MEG3: variants seen among roughly 807,000 people sequenced by gnomAD.
The protein encoded by MEG3 is Very putative protein from MEG3 locus.
chr14:100,844,020 C>T (rs536989398), intron 2 of MEG3, among the ~76,000 whole-genome samples: 4 of 151,928 alleles, frequency 2.6e-5, no homozygotes, highest in South Asian at 2.1e-4. Context: ...TTAGTAGAGA[C>T]GGGGTTTCAT....
chr14:100,856,692 A>G (rs1018810559), upstream of MEG3: 1 of 152,520 alleles, frequency 6.6e-6, no homozygotes, highest in African/African-American at 2.4e-5. Context: ...CTTTCATGCT[A>G]GGGGTTTGGG....
downstream of MEG3, chr14:100,831,772 G>A (rs1490746208): frequency 6.6e-6 from 1 of 152,178 alleles, no homozygotes. Context: ...AAGCAGTCAG[G>A]AGTCGCTGCC....
At chr14:100,841,180 G>A (rs1198857398) in intron 2 of MEG3, among the ~76,000 whole-genome samples, 2 of 152,218 alleles carry the variant, frequency 1.3e-5, no homozygotes, top group Non-Finnish European at 2.9e-5. Flanking sequence ...CAGGGACAAA[G>A]TCCCTGCCGT....
chr14:100,845,599 G>A lies in MEG3; in HGVS notation n.3121+66G>A. The stretch of plus-strand genomic sequence containing the variant: ...TGCTGAGGGTGGGGCCAGCTGCCCG[G>A]AGCACACCGCCAGGCGGACCTCGTG... On this transcript the variant is annotated intron_variant and non_coding_transcript_variant, in intron 3 of 3. Coordinates refer to the MEG3 transcript ENST00000398461. The surrounding 1 kb of genome is among the most constrained non-coding windows in gnomAD (Gnocchi z 5.2). 2 of 436,874 alleles carry A rather than the reference G, an allele frequency of 4.6e-6. No individual in the cohort carries two copies. Among genetic ancestry groups the A allele is most frequent in the South Asian group, 3.3e-5 (2 of 61,240 alleles). The allele number at this position is 436,874 out of a possible 1,614,324, so 27.1% of individuals were successfully genotyped here.
chr14:100,860,650 C>T (rs1004127533), intron 1 of MEG3: 31 of 456,496 alleles, frequency 6.8e-5, no homozygotes, highest in Admixed American at 4.5e-4. Context: ...CCAGCGAGGC[C>T]GGGAGCAGGT....
chr14:100,855,952 G>A (rs1013897960), upstream of MEG3: 23 of 152,142 alleles, frequency 1.5e-4, no homozygotes, highest in African/African-American at 4.8e-4. Context: ...CCATATCCTC[G>A]AGAGGCCAAA....
At chr14:100,835,832 T>G (rs562348094) in exon 1 of MEG3, 6 of 228,288 alleles carry the variant, frequency 2.6e-5, no homozygotes, top group African/African-American at 1.4e-4. Context: ...CTCAGGGCTA[T>G]GGACAGACTC....
exon 2 of MEG3, chr14:100,836,182 C>T: frequency 2.2e-6 from 1 of 455,980 alleles, no homozygotes; most frequent in Non-Finnish European, 4.4e-6. Flanking sequence ...TGGGCCGTGG[C>T]CCGGCTGGGT....
At chr14:100,833,538 G>T (rs1302820823), downstream of MEG3, 1 of 152,446 alleles carries the variant, frequency 6.6e-6, no homozygotes, top group Non-Finnish European at 1.5e-5. Context: ...GATTACAGGC[G>T]TGAGCCACCA....
chr14:100,848,513 G>A (rs1204447100), intron 3 of MEG3: 3 of 152,210 alleles, frequency 2.0e-5, no homozygotes, highest in African/African-American at 7.2e-5. Flanking sequence ...AGACAGGGAT[G>A]AGGGTCATTG....
chr14:100,838,425 A>T (rs1323332743), intron 2 of MEG3, among the ~76,000 whole-genome samples: 1 of 152,220 alleles, frequency 6.6e-6, no homozygotes, highest in Non-Finnish European at 1.5e-5. Context: ...TCAATGAAAG[A>T]AGTTGAAACG....
At chr14:100,841,286 C>G (rs1022314301) in intron 2 of MEG3, among the ~76,000 whole-genome samples, 1 of 152,210 alleles carries the variant, frequency 6.6e-6, no homozygotes, top group African/African-American at 2.4e-5. Flanking sequence ...TTCCAGAGAC[C>G]TGGTTAGAGC....
intron 2 of MEG3, among the ~76,000 whole-genome samples, chr14:100,838,427 G>A (rs954202460): frequency 6.6e-6 from 1 of 152,234 alleles, no homozygotes; most frequent in Non-Finnish European, 1.5e-5. Flanking sequence ...AATGAAAGAA[G>A]TTGAAACGTG....
At chr14:100,851,940 T>TAAAAAA in intron 3 of MEG3, 1 of 178,760 alleles carries the variant, frequency 5.6e-6, no homozygotes, top group Non-Finnish European at 1.2e-5. Flanking sequence ...TGTTTGTCTG[T>TAAAAAA]AAAAGCAAGG....
rs74080163 is a variant in MEG3 at position 100,837,523 on chromosome 14, A to G, written n.3045+1223A>G. The stretch of plus-strand genomic sequence containing the variant: ...GGCCCTAGCACTGTCCTTGGCCCAG[A>G]TGCCAATACTCCCCTCTGGACGCCC... On this transcript the variant is annotated intron_variant and non_coding_transcript_variant, in intron 2 of 3. Transcript: ENST00000398461. This position sits in a 1 kb window ranked among gnomAD's most constrained non-coding sequence, Gnocchi z 5.8. Among the ~76,000 whole-genome samples, 2,354 of 152,152 alleles carry G rather than the reference A, an allele frequency of 0.015. 71 individuals are homozygous for G. The highest frequency in any genetic ancestry group is 0.054 in the African/African-American group (2,243 of 41,460).
upstream of MEG3, chr14:100,852,447 G>A (rs576028387): frequency 1.3e-5 from 7 of 533,748 alleles, no homozygotes; most frequent in Admixed American, 3.9e-5. Flanking sequence ...GCTGGGCCTC[G>A]TGGGCCTGAT....
intron 3 of MEG3, chr14:100,850,289 A>C (rs955748579): frequency 2.0e-5 from 3 of 152,252 alleles, no homozygotes; most frequent in African/African-American, 7.2e-5. Flanking sequence ...ACCTGACTTT[A>C]TAAGAACCAA....
chr14:100,851,282 C>G (rs991345260), intron 3 of MEG3: 4 of 152,530 alleles, frequency 2.6e-5, no homozygotes, highest in African/African-American at 7.2e-5. Context: ...TTGGCCACTC[C>G]CGCGGCATGG....
chr14:100,836,194 G>C (rs1488193506), exon 2 of MEG3: 1 of 455,948 alleles, frequency 2.2e-6, no homozygotes, highest in Non-Finnish European at 4.4e-6. Context: ...CGGCTGGGTC[G>C]GCTGAAGAAC....
Sources: allele counts gnomAD v4.1 joint callset (sites outside exome capture counted in the v4.1 genomes callset), GRCh38; gene constraint gnomAD v4.1.1; non-coding constraint Gnocchi (gnomAD v3.1); transcripts MANE v1.5; gene names NCBI Gene and HGNC (gene_info 2026-07-23, HGNC 2026-07-21).